Variants in TM9SF2 observed in about 807,000 individuals in gnomAD.
TM9SF2 encodes the protein transmembrane 9 superfamily member 2.
A neutral mutation model predicts 84.9 loss-of-function variants in TM9SF2; 13 were observed. The ratio of observed to expected loss-of-function variants is 0.15; its 90% CI spans 0.10 to 0.24. The LOEUF is 0.24. Ranked by LOEUF, TM9SF2 falls within the 10% of genes least tolerant of loss-of-function variation. The pLI is 1.00. For missense variants in TM9SF2, 562 were observed against 818.5 expected (o/e 0.69, Z 3.82); for synonymous variants, 273 against 285.8 (o/e 0.96, Z 0.45).
intron 10 of TM9SF2, among the ~76,000 whole-genome samples, chr13:99,546,229 G>A (rs1173804380): frequency 6.6e-6 from 1 of 152,140 alleles, no homozygotes; most frequent in Non-Finnish European, 1.5e-5. Context: ...GGAAACAATG[G>A]GGATTTTCTT....
intron 7 of TM9SF2, 38 bp from the exon 8 acceptor site, chr13:99,540,676 C>A: frequency 6.5e-7 from 1 of 1,546,648 alleles, no homozygotes; most frequent in Non-Finnish European, 8.9e-7. Context: ...GTGCTGTCAG[C>A]AGATGTTTAC....
In TM9SF2 at chr13:99,537,896, A is replaced by G. The variant is rs201829421; in HGVS notation, c.716+33A>G. 836 of 1,583,978 alleles carry G rather than the reference A, an allele frequency of 5.3e-4. No homozygotes were observed. Among genetic ancestry groups the G allele is most frequent in the Non-Finnish European group, 6.7e-4 (784 of 1,170,860 alleles). On this transcript the variant is annotated intron_variant, in intron 6 of 16. Transcript: ENST00000376387. Reference sequence around the variant, plus strand: ...TATTAATGATAAAAAGTAAACAAGTATAAGTGAAATTTAGACCCAAAGAAT... The same window carrying G: ...TATTAATGATAAAAAGTAAACAAGTGTAAGTGAAATTTAGACCCAAAGAAT...
rs377045588 is a variant in TM9SF2, at chr13:99,546,534, T to C, written c.1151-451T>C. On this transcript the variant is annotated intron_variant, in intron 10 of 16. Transcript: ENST00000376387. Reference sequence around the variant, plus strand: ...TTTTGTTCTTTCATTAGATTATATATGTCTCTTCTGTTTGAATGTTGTAAG... The same window carrying C: ...TTTTGTTCTTTCATTAGATTATATACGTCTCTTCTGTTTGAATGTTGTAAG... Among the ~76,000 whole-genome samples, 122 of 152,130 alleles carry C rather than the reference T, an allele frequency of 8.0e-4. 1 individual carries two copies. The Middle Eastern group carries it at 0.014, about 17-fold the overall frequency.
chr13:99,554,264 A>AT (rs2046317478), intron 13 of TM9SF2, 40 bp from the exon 14 acceptor site: 1 of 1,597,796 alleles, frequency 6.3e-7, no homozygotes, highest in Admixed American at 1.7e-5. Flanking sequence ...TTTGAGACAG[A>AT]TACGTAATTA....
In TM9SF2 at chr13:99,554,360, G is replaced by A. The variant is rs374489776; in HGVS notation, c.1545G>A (p.Ser515=). 24 of 1,613,986 alleles carry A rather than the reference G, an allele frequency of 1.5e-5. No individual in the cohort carries two copies. In the Admixed American group the frequency reaches 1.5e-4, roughly 10 times the overall value. The stretch of plus-strand genomic sequence containing the variant: ...TTCCACGTCAGATTCCTGAACAGTC[G>A]TTCTACACGAAGCCCTTGCCTGGTA... ...NQIPRQIPEQ[S]FYTKPLPGII... is the part of the protein sequence containing the mutation. Residue 515 remains serine, a synonymous_variant, in exon 14 of 17, where the codon TCG becomes TCA. Coordinates refer to ENST00000376387, the MANE Select transcript of TM9SF2 (RefSeq NM_004800.3).
Position 99,524,283 on chromosome 13 carries a change from G to A in TM9SF2, c.333+4154G>A, listed in dbSNP as rs114767528. Among the ~76,000 whole-genome samples, 797 of 152,280 alleles carry A rather than the reference G, an allele frequency of 5.2e-3. 3 individuals are homozygous for A. The highest frequency in any genetic ancestry group is 0.018 in the African/African-American group (731 of 41,540). Reference sequence around the variant, plus strand: ...CTTCTCCCTCATCTAAATATGATCTGACTTGGGAAGGGTGAGGGGGTGGTG... The same window carrying A: ...CTTCTCCCTCATCTAAATATGATCTAACTTGGGAAGGGTGAGGGGGTGGTG... On this transcript the variant is annotated intron_variant, in intron 3 of 16. Coordinates refer to ENST00000376387, the MANE Select transcript of TM9SF2 (RefSeq NM_004800.3).
chr13:99,512,011 A>C (rs1466011332), intron 1 of TM9SF2, among the ~76,000 whole-genome samples: 1 of 152,242 alleles, frequency 6.6e-6, no homozygotes, highest in Non-Finnish European at 1.5e-5. Context: ...ACTAGTGGCC[A>C]GGACAAGTAT....
intron 4 of TM9SF2, among the ~76,000 whole-genome samples, chr13:99,530,194 G>A (rs1389792318): frequency 6.6e-6 from 1 of 152,212 alleles, no homozygotes; most frequent in Non-Finnish European, 1.5e-5. Context: ...GGAGGCTGAG[G>A]CGGTTGGATC....
At chr13:99,549,366 A>G (rs1383040672) in intron 12 of TM9SF2, 144 bp downstream of exon 12, 6 of 622,592 alleles carry the variant, frequency 9.6e-6, no homozygotes, top group Non-Finnish European at 1.7e-5. Flanking sequence ...GGTAAAATAA[A>G]TATTTTATAA....
intron 4 of TM9SF2, among the ~76,000 whole-genome samples, chr13:99,535,514 T>C (rs928041672): frequency 1.3e-5 from 2 of 152,216 alleles, no homozygotes; most frequent in African/African-American, 4.8e-5. Context: ...GCTTCTAATA[T>C]TTTATAGTCT....
intron 4 of TM9SF2, among the ~76,000 whole-genome samples, chr13:99,535,926 G>A (rs141432940): frequency 5.3e-5 from 8 of 152,168 alleles, no homozygotes; most frequent in East Asian, 1.9e-4. Flanking sequence ...GATTTGGTTC[G>A]CTAGCTTTGC....
chr13:99,504,838 C>T (rs976855626), intron 1 of TM9SF2, among the ~76,000 whole-genome samples: 7 of 152,000 alleles, frequency 4.6e-5, no homozygotes, highest in African/African-American at 7.2e-5. Context: ...TTTTTATAGC[C>T]GATACTATTT....
intron 8 of TM9SF2, 122 bp from the exon 9 acceptor site, chr13:99,541,437 A>G: frequency 1.6e-6 from 1 of 641,932 alleles, no homozygotes; most frequent in Non-Finnish European, 2.6e-6. Context: ...TGGATTTCAG[A>G]TAGCTTTCAT....
Position 99,548,963 on chromosome 13 carries a change from C to T in TM9SF2, c.1271-202C>T, listed in dbSNP as rs534348302. Among the ~76,000 whole-genome samples, 10 of 152,248 alleles carry T rather than the reference C, an allele frequency of 6.6e-5. No homozygotes were observed. The East Asian group carries it at 1.9e-3, about 29-fold the overall frequency. On this transcript the variant is annotated intron_variant, in intron 11 of 16. Transcript: ENST00000376387. ...TTGCCTCTGATTCTCTAGAGCAGGA[C>T]TTACCTAGGGAATCCCATCCTGTAT...
chr13:99,525,553 ATTTT>A (rs34947354), intron 3 of TM9SF2, among the ~76,000 whole-genome samples: 1 of 119,488 alleles, frequency 8.4e-6, no homozygotes, highest in Non-Finnish European at 1.7e-5. Flanking sequence ...CTTATGATAG[ATTTT>A]TTTTTTTTTT....
At chr13:99,537,996 G>A in intron 6 of TM9SF2, 133 bp downstream of exon 6, 5 of 1,271,882 alleles carry the variant, frequency 3.9e-6, no homozygotes, top group African/African-American at 3.1e-5. Flanking sequence ...CCTTTGGCAT[G>A]ATTTGTTATT....
intron 16 of TM9SF2, among the ~76,000 whole-genome samples, chr13:99,562,217 T>C (rs1479270311): frequency 1.3e-5 from 2 of 152,214 alleles, no homozygotes; most frequent in Admixed American, 1.3e-4. Context: ...TTTTAACATT[T>C]TGTAAAAACT....
chr13:99,552,622 G>T (rs1464549229), intron 13 of TM9SF2, among the ~76,000 whole-genome samples: 1 of 136,502 alleles, frequency 7.3e-6, no homozygotes, highest in African/African-American at 2.5e-5. Flanking sequence ...CATTCATTTA[G>T]AGATGGAGTC....
intron 12 of TM9SF2, among the ~76,000 whole-genome samples, chr13:99,550,207 C>T (rs1245362326): frequency 1.3e-5 from 2 of 152,118 alleles, no homozygotes; most frequent in Non-Finnish European, 2.9e-5. Flanking sequence ...CATGTCTCCC[C>T]TAAAAAGGGA....
Sources: gnomAD v4.1 joint callset for allele counts (sites outside exome capture counted in the v4.1 genomes callset) on GRCh38, gnomAD v4.1.1 for gene constraint, MANE v1.5 for transcripts, NCBI Gene and HGNC (gene_info 2026-07-23, HGNC 2026-07-21) for gene names.